Variants in ESYT3 observed in about 807,000 individuals in gnomAD.
The protein encoded by ESYT3 is extended synaptotagmin 3, also known as extended synaptotagmin-3.
Under a neutral mutation model 111.5 loss-of-function variants are expected in ESYT3, and 101 were observed. That is an observed-to-expected ratio of 0.91 (90% confidence interval 0.77 to 1.07). The LOEUF (loss-of-function observed/expected upper bound fraction) is 1.07. Among genes scored for constraint, ESYT3 ranks in the 50% least tolerant of loss-of-function variants. The probability of loss-of-function intolerance (pLI) is 0.00; values close to 1 mark genes in which losing one functional copy is unlikely to be tolerated. For synonymous variants in ESYT3, 416 were observed against 446.8 expected, an observed-to-expected ratio of 0.93 and a Z score of 0.87; for missense variants, 1,097 against 1,109.4, an observed-to-expected ratio of 0.99 and a Z score of 0.16.
At chr3:138,457,903 G>A (rs1236881279) in intron 4 of ESYT3, among the ~76,000 whole-genome samples, 1 of 152,124 alleles carries the variant, frequency 6.6e-6, no homozygotes. Context: ...TGTCTAGTGG[G>A]AGCAAGTGTG....
intron 7 of ESYT3, among the ~76,000 whole-genome samples, chr3:138,461,215 C>G (rs774975495): frequency 2.6e-5 from 4 of 152,206 alleles, no homozygotes; most frequent in African/African-American, 7.2e-5. Context: ...TTCTTCCTCA[C>G]TGCACCCCTT....
At chr3:138,453,749 C>T (rs921291303) in intron 2 of ESYT3, among the ~76,000 whole-genome samples, 1 of 152,178 alleles carries the variant, frequency 6.6e-6, no homozygotes, top group Non-Finnish European at 1.5e-5. Context: ...TGCCCAGAGG[C>T]GCTGGGTCCT....
At chr3:138,473,812 C>T (rs1188583462) in intron 19 of ESYT3, among the ~76,000 whole-genome samples, 178 bp downstream of exon 19, 2 of 152,172 alleles carry the variant, frequency 1.3e-5, no homozygotes, top group African/African-American at 4.8e-5. Flanking sequence ...GGCACTTTGG[C>T]CATCATTCTT....
chr3:138,459,177 C>T lies in ESYT3; in HGVS notation c.582-10C>T. ...TCCTCCCCACCTTCCTTTTCCACCC[C>T]CCATTTCAGCTACATCGGGGACTGT... On this transcript the variant is annotated splice_polypyrimidine_tract_variant and intron_variant, in intron 4 of 22. Transcript: ENST00000389567. 1.3e-6 allele frequency: 2 copies of T among 1,500,848 alleles called. No homozygotes were observed. The highest frequency in any genetic ancestry group is 1.8e-6 in the Non-Finnish European group (2 of 1,113,922). 93.0% of individuals were successfully genotyped at this position (1,500,848 alleles called of 1,614,324 possible). A position where few individuals can be genotyped will look rare whatever the true frequency, so the allele number is the denominator to read the frequency against.
chr3:138,472,951 GC>G, intron 18 of ESYT3, 92 bp downstream of exon 18: 1 of 1,519,890 alleles, frequency 6.6e-7, no homozygotes, highest in Non-Finnish European at 8.8e-7. Context: ...ACATTTCTGT[GC>G]AAGTTGTTTT....
chr3:138,457,543 C>A (rs934714146), intron 3 of ESYT3, 25 bp from the exon 4 acceptor site: 1 of 1,612,782 alleles, frequency 6.2e-7, no homozygotes, highest in Non-Finnish European at 8.5e-7. Context: ...AGCCTCTGAC[C>A]TAGCCCTTTT....
chr3:138,462,010 C>T, intron 7 of ESYT3, 76 bp from the exon 8 acceptor site: 1 of 1,604,998 alleles, frequency 6.2e-7, no homozygotes, highest in South Asian at 1.1e-5. Context: ...CTCCTGGTTC[C>T]TGCTAGGGAT....
At position 138,479,041 on chromosome 3, in the gene ESYT3, T is replaced by A. The variant is rs1378790894; in HGVS notation, c.*2187T>A. ...GACAACTGCAGCAGATGGCTGTCAC[T>A]AAAGGGAAACTCACGGGCAAAAATA... On this transcript the variant is annotated 3_prime_UTR_variant, in exon 23 of 23. Coordinates refer to ENST00000389567, the MANE Select transcript of ESYT3 (RefSeq NM_031913.5). 1 of 151,930 alleles carries A rather than the reference T, an allele frequency of 6.6e-6. No homozygotes were observed. The highest frequency in any genetic ancestry group is 2.4e-5 in the African/African-American group (1 of 41,300). 9.4% of individuals were successfully genotyped at this position (151,930 alleles called of 1,614,324 possible).
intron 2 of ESYT3, 91 bp downstream of exon 2, chr3:138,452,180 G>A (rs1220919001): frequency 2.3e-6 from 3 of 1,315,088 alleles, no homozygotes; most frequent in African/African-American, 1.5e-5. Context: ...TGGGGGCCTC[G>A]CGGCAATTTC....
At chr3:138,455,085 C>T (rs985144853) in intron 2 of ESYT3, 109 bp from the exon 3 acceptor site, 3 of 1,324,156 alleles carry the variant, frequency 2.3e-6, no homozygotes, top group African/African-American at 2.9e-5. Context: ...GCATAGGAAC[C>T]CCCACCCCAA....
chr3:138,467,404 G>A (rs762134777), intron 10 of ESYT3, among the ~76,000 whole-genome samples, 157 bp from the exon 11 acceptor site: 6 of 152,044 alleles, frequency 3.9e-5, no homozygotes, highest in African/African-American at 7.2e-5. Context: ...TCCTTCACTC[G>A]AGCTGATGGT....
chr3:138,448,293 A>G (rs994465135), intron 1 of ESYT3, among the ~76,000 whole-genome samples: 1 of 146,468 alleles, frequency 6.8e-6, no homozygotes, highest in Non-Finnish European at 1.5e-5. Flanking sequence ...AAAAAAAAAA[A>G]TGCAGGGGAG....
At chr3:138,475,498 C>T (rs2033436781) in intron 20 of ESYT3, among the ~76,000 whole-genome samples, 1 of 152,098 alleles carries the variant, frequency 6.6e-6, no homozygotes, top group African/African-American at 2.4e-5. Flanking sequence ...AGGAGGTGGC[C>T]ACTGTTTTCC....
At chr3:138,469,189 G>C (rs1158884135) in intron 14 of ESYT3, 6 of 593,934 alleles carry the variant, frequency 1.0e-5, no homozygotes, top group Non-Finnish European at 1.8e-5. Context: ...GAGAGCCTGT[G>C]CCTGGCCAGG....
chr3:138,464,216 T>G, intron 8 of ESYT3, 129 bp from the exon 9 acceptor site: 1 of 1,058,388 alleles, frequency 9.4e-7, no homozygotes. Flanking sequence ...CTGGCTTCTA[T>G]CTCCTGGTCC....
intron 1 of ESYT3, among the ~76,000 whole-genome samples, chr3:138,448,973 G>A (rs1027253731): frequency 2.0e-5 from 3 of 152,144 alleles, no homozygotes; most frequent in Non-Finnish European, 4.4e-5. Flanking sequence ...TCCATGATGG[G>A]GCCTCTTGGT....
At chr3:138,464,224 T>A in intron 8 of ESYT3, 121 bp from the exon 9 acceptor site, 1 of 1,164,672 alleles carries the variant, frequency 8.6e-7, no homozygotes, top group South Asian at 1.5e-5. Flanking sequence ...TATCTCCTGG[T>A]CCAGACCGTG....
chr3:138,440,296 G>T lies in ESYT3; in HGVS notation c.327+5171G>T, dbSNP rs2031052617. Among the ~76,000 whole-genome samples the T allele has an allele frequency of 6.6e-6, 1 of 152,228 alleles. No homozygotes were observed. The highest frequency in any genetic ancestry group is 2.4e-5 in the African/African-American group (1 of 41,466). ...TGGTCCCTGGGATTGCTCCCTCCAA[G>T]CCTCCCTGCCAGCCACTCAGGCAGA... On this transcript the variant is annotated intron_variant, in intron 1 of 22. Coordinates refer to ENST00000389567, the MANE Select transcript of ESYT3 (RefSeq NM_031913.5). This position sits in a 1 kb window ranked among gnomAD's most constrained non-coding sequence, Gnocchi z 4.2.
rs1047849463 is a variant in ESYT3, at chr3:138,479,262, A to G, written c.*2408A>G. 6.6e-6 allele frequency: 1 copy of G among 152,192 alleles called. No individual in the cohort carries two copies. Among genetic ancestry groups the G allele is most frequent in the African/African-American group, 2.4e-5 (1 of 41,436 alleles). The allele number at this position is 152,192 out of a possible 1,614,324, so 9.4% of individuals were successfully genotyped here. ...CAAACCTAAGCAAGTTTTGATGATGATTGTTCACAAGATATAAACAAATAA... is the reference window on the plus strand; with the variant it reads ...CAAACCTAAGCAAGTTTTGATGATGGTTGTTCACAAGATATAAACAAATAA... On this transcript the variant is annotated 3_prime_UTR_variant, in exon 23 of 23. Transcript: ENST00000389567.
Sources: allele counts gnomAD v4.1 joint callset (sites outside exome capture counted in the v4.1 genomes callset), GRCh38; gene constraint gnomAD v4.1.1; non-coding constraint Gnocchi (gnomAD v3.1); transcripts MANE v1.5; gene names NCBI Gene and HGNC (gene_info 2026-07-23, HGNC 2026-07-21).